The following PRDM15 variants were observed in gnomAD, a reference collection of about 807,000 sequenced individuals.
PRDM15 encodes PR domain zinc finger protein 15.
PRDM15 carries 64 observed loss-of-function variants against 128.6 expected under a neutral mutation model. That is an observed-to-expected ratio of 0.50 (90% CI 0.41 to 0.61). The LOEUF (loss-of-function observed/expected upper bound fraction) is 0.61, where lower values mean the gene tolerates loss of function less well. Among genes scored for constraint, PRDM15 ranks in the 20% least tolerant of loss-of-function variants. PRDM15 has a pLI of 0.00. For synonymous variants in PRDM15, 615 were observed against 621.8 expected, an observed-to-expected ratio of 0.99 and a Z score of 0.16; for missense variants, 1,242 against 1,569.1, an observed-to-expected ratio of 0.79 and a Z score of 3.52.
chr21:41,867,468 T>C, intron 1 of PRDM15: 2 of 1,018,100 alleles, frequency 2.0e-6, no homozygotes, highest in East Asian at 2.4e-5. Context: ...AGTCTCACTA[T>C]GTTGCCCAGG....
At chr21:41,806,153 CCAT>C (rs1568880959) in intron 21 of PRDM15, among the ~76,000 whole-genome samples, 3 of 1,826 alleles carry the variant, frequency 1.6e-3, no homozygotes, top group Non-Finnish European at 1.1e-3. Context: ...ACCACCACCA[CCAT>C]CACCATCACC....
At chr21:41,815,237 G>C (rs899444497) in intron 19 of PRDM15, among the ~76,000 whole-genome samples, 2 of 152,222 alleles carry the variant, frequency 1.3e-5, no homozygotes, top group African/African-American at 4.8e-5. Flanking sequence ...GCACATCAGC[G>C]TAGTACACAC....
rs2061648550 is a variant in PRDM15, at chr21:41,806,497, AC to A, written c.2653-1884del. ...ACCACCCATTACTACCACCACCATC[AC>A]CACCATCACCATCACCACCACCATC... is the stretch of plus-strand genomic sequence containing the variant. On this transcript the variant is annotated intron_variant, in intron 21 of 23. Coordinates refer to ENST00000398548, the MANE Select transcript of PRDM15 (RefSeq NM_001040424.3). Among the ~76,000 whole-genome samples, 9 of 69,336 alleles carry A rather than the reference AC, an allele frequency of 1.3e-4. 1 individual carries two copies. The highest frequency in any genetic ancestry group is 5.1e-4 in the African/African-American group (7 of 13,828). The allele number at this position is 69,336 out of a possible 152,430, so 45.5% of individuals were successfully genotyped here.
In PRDM15 at chr21:41,837,986, G is replaced by A; in HGVS notation, c.949C>T (p.Leu317=). ...SATPDERIME[L]VLGKLATTTT... ...GTGGTGGCCAGCTTCCCCAGAACCA[G>A]CTCCATGATCCGCTCATCTGGCGTT... The change falls in exon 8 of 24, where the codon CTG becomes TTG. Residue 317 remains leucine, a synonymous_variant. Coordinates refer to ENST00000398548, the MANE Select transcript of PRDM15 (RefSeq NM_001040424.3). The A allele has an allele frequency of 6.2e-7, 1 of 1,614,208 alleles. No homozygotes were observed.
At position 41,816,143 on chromosome 21, in the gene PRDM15, C is replaced by T. The variant is rs560492106; in HGVS notation, c.2261-307G>A. Among the ~76,000 whole-genome samples, 30 of 152,346 alleles carry T rather than the reference C, an allele frequency of 2.0e-4. No individual in the cohort carries two copies. In the South Asian group the frequency reaches 5.4e-3, roughly 27 times the overall value. ...TCCCTGCGTGCCCATGGCAACCCGG[C>T]GGGAGAATTCGGTGAGAGATAGATT... On this transcript the variant is annotated intron_variant, in intron 18 of 23. Coordinates refer to ENST00000398548, the MANE Select transcript of PRDM15 (RefSeq NM_001040424.3).
intron 18 of PRDM15, among the ~76,000 whole-genome samples, chr21:41,819,315 C>G (rs1016802923): frequency 6.7e-6 from 1 of 149,260 alleles, no homozygotes; most frequent in East Asian, 2.0e-4. Flanking sequence ...CCGTGGCCCC[C>G]AGCACCCACA....
intron 18 of PRDM15, among the ~76,000 whole-genome samples, chr21:41,817,891 C>T (rs1409044370): frequency 5.3e-5 from 8 of 152,302 alleles, no homozygotes; most frequent in African/African-American, 9.6e-5. Context: ...TTTTAAAAAA[C>T]GATGCAACTA....
rs1028963505 is a variant in PRDM15, at chr21:41,869,043, G to A, written c.-9-8671C>T. The stretch of plus-strand genomic sequence containing the variant: ...GGTTATTTTACGGTTGTGCTTGAGA[G>A]TTCCTTATCTGTATATATAGATGCT... On this transcript the variant is annotated intron_variant, in intron 1 of 23. Coordinates refer to ENST00000398548, the MANE Select transcript of PRDM15 (RefSeq NM_001040424.3). 1.1e-4 allele frequency among the ~76,000 whole-genome samples: 16 copies of A among 152,232 alleles called. No homozygotes were observed. In the East Asian group the frequency reaches 1.4e-3, roughly 13 times the overall value.
chr21:41,834,429 A>T (rs2062799395), intron 11 of PRDM15: 1 of 1,374,084 alleles, frequency 7.3e-7, no homozygotes. Context: ...GTGGCACCTT[A>T]ACAAGAACAA....
chr21:41,864,531 CCTA>C (rs2063932219), intron 1 of PRDM15, among the ~76,000 whole-genome samples: 1 of 152,062 alleles, frequency 6.6e-6, no homozygotes, highest in Non-Finnish European at 1.5e-5. Flanking sequence ...GCCCCCACCT[CCTA>C]CATCTTAGGA....
At chr21:41,846,470 G>A (rs1025013402) in intron 6 of PRDM15, among the ~76,000 whole-genome samples, 7 of 152,234 alleles carry the variant, frequency 4.6e-5, no homozygotes, top group African/African-American at 7.2e-5. Flanking sequence ...TTGGGAGGCC[G>A]AGGCAGACGG....
chr21:41,823,271 G>A, intron 14 of PRDM15, 47 bp downstream of exon 14: 2 of 1,595,930 alleles, frequency 1.3e-6, no homozygotes, highest in Admixed American at 1.7e-5. Context: ...GCTGGCCTGG[G>A]GGCCTGCCGT....
rs371654034 is a variant in PRDM15, at chr21:41,802,824, G to A, written c.2831C>T (p.Ala944Val). ...HKRKQKPEEEAGAPVPEDATF... is the reference protein window; with the variant it reads ...HKRKQKPEEEVGAPVPEDATF... ...GGCGTCCTCGGGCACCGGAGCACCC[G>A]CCTCCTCTTCTGGCTTCTGCTTTCT... The change falls in exon 23 of 24, where the codon GCG becomes GTG. Residue 944 changes from alanine to valine, a missense_variant. Transcript: ENST00000398548. 9.3e-6 allele frequency: 15 copies of A among 1,614,028 alleles called. No individual in the cohort carries two copies. The highest frequency in any genetic ancestry group is 4.5e-5 in the East Asian group (2 of 44,896).
intron 13 of PRDM15, 43 bp downstream of exon 13, chr21:41,825,917 T>C (rs1235775068): frequency 2.1e-5 from 29 of 1,411,672 alleles, no homozygotes; most frequent in African/African-American, 2.8e-5. Context: ...AAGAAAATGA[T>C]GTGCTTTCCA....
chr21:41,839,538 C>A, intron 7 of PRDM15, 85 bp downstream of exon 7: 1 of 1,137,162 alleles, frequency 8.8e-7, no homozygotes, highest in Non-Finnish European at 1.3e-6. Flanking sequence ...TCCCGCCCCG[C>A]CCTCTGCCCC....
chr21:41,844,523 C>T (rs2063176519), intron 6 of PRDM15, among the ~76,000 whole-genome samples: 2 of 51,364 alleles, frequency 3.9e-5, no homozygotes, highest in African/African-American at 9.0e-5. Flanking sequence ...ACACACACAG[C>T]CCCTCCCCCC....
intron 21 of PRDM15, among the ~76,000 whole-genome samples, chr21:41,807,482 C>T (rs1465349027): frequency 6.6e-6 from 1 of 152,174 alleles, no homozygotes; most frequent in African/African-American, 2.4e-5. Context: ...GACAGCCAGG[C>T]CTCACTGCGG....
chr21:41,864,007 C>A (rs8128042), intron 1 of PRDM15, among the ~76,000 whole-genome samples: 20,847 of 152,138 alleles, frequency 0.14, 1,760 homozygotes, highest in East Asian at 0.26. Flanking sequence ...CCACACCCAG[C>A]TAATTTTTGT....
intron 21 of PRDM15, among the ~76,000 whole-genome samples, chr21:41,806,093 TCAC>T (rs1568880492): frequency 8.7e-4 from 2 of 2,310 alleles, no homozygotes; most frequent in African/African-American, 4.9e-3. Flanking sequence ...ACCACCACCA[TCAC>T]CACCACCATC....
Sources: allele counts gnomAD v4.1 joint callset (sites outside exome capture counted in the v4.1 genomes callset), GRCh38; gene constraint gnomAD v4.1.1; transcripts MANE v1.5; gene names NCBI Gene and HGNC (gene_info 2026-07-23, HGNC 2026-07-21).